The following PIWIL3 variants were observed in gnomAD, a reference collection of about 807,000 sequenced individuals.
The protein encoded by PIWIL3 is piwi-like protein 3.
A neutral mutation model predicts 109.7 loss-of-function variants in PIWIL3; 101 were observed. The ratio of observed to expected loss-of-function variants is 0.92; its 90% confidence interval spans 0.78 to 1.09. PIWIL3 has a LOEUF of 1.09. PIWIL3 is among the 50% of genes least tolerant of loss of function. The probability of loss-of-function intolerance (pLI) is 0.00; values close to 1 mark genes in which losing one functional copy is unlikely to be tolerated. For synonymous variants in PIWIL3, 373 were observed against 376.4 expected (o/e 0.99, Z 0.10); for missense variants, 1,031 against 1,072.6 (o/e 0.96, Z 0.54).
intron 12 of PIWIL3, among the ~76,000 whole-genome samples, chr22:24,745,441 G>A (rs1305809132): frequency 6.6e-6 from 1 of 152,004 alleles, no homozygotes; most frequent in Non-Finnish European, 1.5e-5. Flanking sequence ...CTGGGACTCG[G>A]GAGACTGAGG....
intron 12 of PIWIL3, among the ~76,000 whole-genome samples, chr22:24,744,500 G>A (rs142107743): frequency 0.012 from 1,884 of 152,178 alleles, 52 homozygotes; most frequent in African/African-American, 0.041. Context: ...TTGAACCCGG[G>A]AGGAGGACAT....
At chr22:24,736,825 G>C (rs1923685637) in intron 12 of PIWIL3, among the ~76,000 whole-genome samples, 1 of 152,236 alleles carries the variant, frequency 6.6e-6, no homozygotes. Flanking sequence ...TGTCACAGCA[G>C]AAAGCAGAAC....
intron 10 of PIWIL3, 48 bp downstream of exon 10, chr22:24,749,643 TAA>T (rs764954986): frequency 6.2e-7 from 1 of 1,613,432 alleles, no homozygotes; most frequent in Non-Finnish European, 8.5e-7. Flanking sequence ...AAGCCTGCGT[TAA>T]GTCGTAATTA....
chr22:24,759,086 A>G (rs1925259712), intron 3 of PIWIL3, among the ~76,000 whole-genome samples: 1 of 152,082 alleles, frequency 6.6e-6, no homozygotes, highest in African/African-American at 2.4e-5. Context: ...TAAAGATGGG[A>G]TTTTGCCATG....
At chr22:24,729,578 A>G (rs1025132716) in intron 14 of PIWIL3, among the ~76,000 whole-genome samples, 1 of 152,224 alleles carries the variant, frequency 6.6e-6, no homozygotes, top group Non-Finnish European at 1.5e-5. Flanking sequence ...GCAGTTAGGC[A>G]GACTGGTTAC....
At chr22:24,770,660 TAAAAA>T (rs57209194) in intron 1 of PIWIL3, among the ~76,000 whole-genome samples, 4 of 77,590 alleles carry the variant, frequency 5.2e-5, no homozygotes, top group Non-Finnish European at 1.0e-4. Context: ...CCGTCTCTAC[TAAAAA>T]AAAAAAAAAA....
At chr22:24,720,850 G>A (rs1476264959) in intron 19 of PIWIL3, among the ~76,000 whole-genome samples, 1 of 152,124 alleles carries the variant, frequency 6.6e-6, no homozygotes, top group Non-Finnish European at 1.5e-5. Flanking sequence ...TAGAGCAGCA[G>A]CAGCTTTATC....
At chr22:24,727,739 G>A (rs974032008) in intron 16 of PIWIL3, among the ~76,000 whole-genome samples, 7 of 152,208 alleles carry the variant, frequency 4.6e-5, no homozygotes, top group African/African-American at 1.7e-4. Context: ...TGGTATTTTA[G>A]GCAGCAATGG....
In PIWIL3 at chr22:24,774,700, G is replaced by C. The variant is rs1601861276; in HGVS notation, c.-401C>G. 3 of 152,104 alleles carry C rather than the reference G, an allele frequency of 2.0e-5. No individual in the cohort carries two copies. The South Asian group carries it at 6.2e-4, about 32-fold the overall frequency. The allele number at this position is 152,104 out of a possible 1,614,324, so 9.4% of individuals were successfully genotyped here. On this transcript the variant is annotated 5_prime_UTR_variant, in exon 1 of 21. Transcript: ENST00000616349. ...CGGGCACCTGTAGTCCCAGCTACTC[G>C]GGAGGCTGAGGCAGCAAAATGGCGT... is the stretch of plus-strand genomic sequence containing the variant.
At chr22:24,729,261 T>A (rs1237423282) in intron 14 of PIWIL3, among the ~76,000 whole-genome samples, 2 of 152,070 alleles carry the variant, frequency 1.3e-5, no homozygotes, top group African/African-American at 4.8e-5. Flanking sequence ...TGCAGAGAGC[T>A]TTCCTCTTTT....
At position 24,762,358 on chromosome 22, in the gene PIWIL3, C is replaced by T. The variant is rs921852690; in HGVS notation, c.102+40G>A. Reference sequence around the variant, plus strand: ...CTCTATGTTCTTTTCAGTACAGGCACATATCTCTTGCAGAAAGGAAACAAC... The same window carrying T: ...CTCTATGTTCTTTTCAGTACAGGCATATATCTCTTGCAGAAAGGAAACAAC... On this transcript the variant is annotated intron_variant, in intron 2 of 20. Transcript: ENST00000616349. 7.5e-6 allele frequency: 12 copies of T among 1,595,430 alleles called. No homozygotes were observed. In the African/African-American group the frequency reaches 9.4e-5, roughly 13 times the overall value.
At position 24,728,336 on chromosome 22, in the gene PIWIL3, A is replaced by G. The variant is rs748147732; in HGVS notation, c.1746T>C (p.Tyr582=). 6.2e-7 allele frequency: 1 copy of G among 1,614,066 alleles called. No homozygotes were observed. The highest frequency in any genetic ancestry group is 8.5e-7 in the Non-Finnish European group (1 of 1,180,052). ...TACATAGGTATCTTTTTATGCTGTCATATCTACGTTTGTCATCATTGGGCA... is the reference window on the plus strand; with the variant it reads ...TACATAGGTATCTTTTTATGCTGTCGTATCTACGTTTGTCATCATTGGGCA... ...CILPNDDKRR[Y]DSIKRYLCTK... Residue 582 remains tyrosine (Y), a synonymous_variant, in exon 15 of 21, where the codon TAT becomes TAC. Coordinates refer to ENST00000616349, the MANE Select transcript of PIWIL3 (RefSeq NM_001255975.1).
chr22:24,728,733 A>G (rs1300098767), intron 14 of PIWIL3, among the ~76,000 whole-genome samples: 1 of 152,170 alleles, frequency 6.6e-6, no homozygotes, highest in Non-Finnish European at 1.5e-5. Context: ...ATAAATTACA[A>G]TTATAAATTA....
chr22:24,725,852 A>T (rs1264049036), intron 16 of PIWIL3, among the ~76,000 whole-genome samples: 1 of 152,090 alleles, frequency 6.6e-6, no homozygotes, highest in Admixed American at 6.6e-5. Context: ...TTTGGGACCA[A>T]TGCCCTCAAC....
At chr22:24,734,026 A>T in intron 14 of PIWIL3, 58 bp downstream of exon 14, 1 of 1,540,688 alleles carries the variant, frequency 6.5e-7, no homozygotes, top group South Asian at 1.3e-5. Context: ...TAAAATACTT[A>T]TCAAGATGGT....
Position 24,719,688 on chromosome 22 carries a change from G to T in PIWIL3, c.2505+60C>A. 3.8e-6 allele frequency: 6 copies of T among 1,563,642 alleles called. No individual in the cohort carries two copies. In the South Asian group the frequency reaches 6.8e-5, roughly 18 times the overall value. On this transcript the variant is annotated intron_variant, in intron 20 of 20. Transcript: ENST00000616349. Reference sequence around the variant, plus strand: ...GAAGCCAGTTCAGAGGTCCAACATTGTTCAATGTTGAATAGTACATTTAAA... The same window carrying T: ...GAAGCCAGTTCAGAGGTCCAACATTTTTCAATGTTGAATAGTACATTTAAA...
At chr22:24,746,470 A>C (rs954001152) in intron 12 of PIWIL3, among the ~76,000 whole-genome samples, 1 of 152,180 alleles carries the variant, frequency 6.6e-6, no homozygotes, top group African/African-American at 2.4e-5. Flanking sequence ...ATGGGAAAAA[A>C]CTGAAAGCCT....
chr22:24,762,301 C>G, intron 2 of PIWIL3, 97 bp downstream of exon 2: 2 of 1,504,044 alleles, frequency 1.3e-6, no homozygotes, highest in Non-Finnish European at 1.8e-6. Flanking sequence ...TCACTTAGCA[C>G]TATACCTGAA....
chr22:24,727,835 T>C, intron 16 of PIWIL3, 115 bp downstream of exon 16: 2 of 806,638 alleles, frequency 2.5e-6, no homozygotes, highest in Non-Finnish European at 3.9e-6. Context: ...TGATTAAGAA[T>C]AACTCATCTG....
Sources: allele counts gnomAD v4.1 joint callset (sites outside exome capture counted in the v4.1 genomes callset), GRCh38; gene constraint gnomAD v4.1.1; transcripts MANE v1.5; gene names NCBI Gene and HGNC (gene_info 2026-07-23, HGNC 2026-07-21).